HDAC4: variants seen among roughly 807,000 people sequenced by gnomAD.
HDAC4 encodes histone deacetylase 4.
HDAC4 carries 16 observed loss-of-function variants against 135.1 expected under a neutral mutation model. The observed-to-expected ratio is 0.12, with a 90% CI of 0.08 to 0.18. The LOEUF is 0.18. Ranked by LOEUF, HDAC4 falls within the 10% of genes least tolerant of loss-of-function variation. The pLI is 1.00. For missense variants in HDAC4, 1,143 were observed against 1,511.8 expected (o/e 0.76, Z 4.05); for synonymous variants, 685 against 653.4 (o/e 1.05, Z -0.74).
chr2:239,269,058 C>G (rs952751437), intron 2 of HDAC4, among the ~76,000 whole-genome samples: 15 of 152,182 alleles, frequency 9.9e-5, no homozygotes, highest in African/African-American at 2.9e-4. Flanking sequence ...GACCCTCTTA[C>G]TGTGCACACT....
At chr2:239,348,371 C>T (rs1412130637) in intron 2 of HDAC4, among the ~76,000 whole-genome samples, 3 of 152,208 alleles carry the variant, frequency 2.0e-5, no homozygotes, top group Admixed American at 6.5e-5. Context: ...ACGAACATTC[C>T]GGAAGGGAAA....
intron 5 of HDAC4, among the ~76,000 whole-genome samples, chr2:239,168,687 C>T (rs563259335): frequency 6.6e-6 from 1 of 152,308 alleles, no homozygotes; most frequent in East Asian, 1.9e-4. Context: ...AGACAAGAAC[C>T]TCCTTCATGG....
chr2:239,381,132 G>A (rs563795087), intron 1 of HDAC4, among the ~76,000 whole-genome samples: 6 of 152,300 alleles, frequency 3.9e-5, no homozygotes, highest in Middle Eastern at 3.4e-3. Context: ...AACCGTCTAG[G>A]AACCAAGAGT....
chr2:239,369,774 C>A (rs1694476800), intron 1 of HDAC4, among the ~76,000 whole-genome samples: 1 of 152,118 alleles, frequency 6.6e-6, no homozygotes, highest in Non-Finnish European at 1.5e-5. Context: ...TTCTCTCAAG[C>A]AGAACACACA....
At chr2:239,329,447 G>A (rs1421454333) in intron 2 of HDAC4, among the ~76,000 whole-genome samples, 1 of 152,128 alleles carries the variant, frequency 6.6e-6, no homozygotes, top group Non-Finnish European at 1.5e-5. Context: ...GGCTGGGAGG[G>A]CAGGGGCCAC....
chr2:239,124,690 T>C (rs1429473288), intron 12 of HDAC4, among the ~76,000 whole-genome samples: 7 of 135,252 alleles, frequency 5.2e-5, no homozygotes, highest in East Asian at 2.4e-4. Flanking sequence ...GGCCGCGTTA[T>C]ATGACATTCC....
chr2:239,126,587 C>G lies in HDAC4; in HGVS notation c.1402G>C (p.Gly468Arg), dbSNP rs749440385. The G allele has an allele frequency of 6.2e-7, 1 of 1,613,904 alleles. No individual in the cohort carries two copies. The highest frequency in any genetic ancestry group is 8.5e-7 in the Non-Finnish European group (1 of 1,180,002). Residue 468 changes from glycine to arginine, a missense_variant, in exon 12 of 27, where the codon GGG becomes CGG. Around this residue, in one of 9 missense-constraint regions of HDAC4, gnomAD observed 272 missense variants for 309.7 expected, o/e 0.88. Transcript: ENST00000543185. ...GGCAGCGGGGCCGACTGGGTCCGCC[C>G]CAGTGGGCGGTGCTGCCGCAGCTTG... ...IHKLRQHRPL[G>R]RTQSAPLPQN...
chr2:239,391,528 G>A (rs1696212302), intron 1 of HDAC4, among the ~76,000 whole-genome samples: 1 of 152,212 alleles, frequency 6.6e-6, no homozygotes, highest in Non-Finnish European at 1.5e-5. Context: ...TGTCCTCAGA[G>A]CCAGCGGGGG....
At chr2:239,243,564 C>T (rs1302399049) in intron 2 of HDAC4, among the ~76,000 whole-genome samples, 1 of 152,152 alleles carries the variant, frequency 6.6e-6, no homozygotes, top group Non-Finnish European at 1.5e-5. Context: ...GTGCACACCC[C>T]ACTGTGCTAA....
At chr2:239,088,588 C>T (rs146854850) in intron 18 of HDAC4, among the ~76,000 whole-genome samples, 4 of 152,130 alleles carry the variant, frequency 2.6e-5, no homozygotes, top group African/African-American at 7.2e-5. Context: ...GCTGAAGCAC[C>T]GGAGGGTAGA....
intron 6 of HDAC4, among the ~76,000 whole-genome samples, chr2:239,157,202 C>T (rs1248362217): frequency 6.6e-6 from 1 of 152,242 alleles, no homozygotes; most frequent in African/African-American, 2.4e-5. Context: ...TCATAGGCAG[C>T]TGAGACGGGG....
At chr2:239,080,910 A>G (rs1364724998) in intron 22 of HDAC4, 185 bp downstream of exon 22, 1 of 596,678 alleles carries the variant, frequency 1.7e-6, no homozygotes, top group Non-Finnish European at 3.0e-6. Flanking sequence ...TGATGGTAAG[A>G]AGATAGTCGC....
chr2:239,272,908 T>C (rs1318529314), intron 2 of HDAC4, among the ~76,000 whole-genome samples: 1 of 152,152 alleles, frequency 6.6e-6, no homozygotes, highest in African/African-American at 2.4e-5. Flanking sequence ...TGCAACGGCT[T>C]CTTCCCTCCC....
At chr2:239,311,660 AG>A (rs2052885946) in intron 2 of HDAC4, among the ~76,000 whole-genome samples, 1 of 152,186 alleles carries the variant, frequency 6.6e-6, no homozygotes, top group African/African-American at 2.4e-5. Flanking sequence ...AACCACACAC[AG>A]GGGACTCCGT....
At chr2:239,138,280 C>T (rs141831771) in intron 9 of HDAC4, among the ~76,000 whole-genome samples, 25 of 152,230 alleles carry the variant, frequency 1.6e-4, no homozygotes, top group African/African-American at 4.8e-4. Flanking sequence ...GATTAAGCAG[C>T]CTGGAGACAA....
intron 9 of HDAC4, among the ~76,000 whole-genome samples, chr2:239,135,104 G>T (rs1450894692): frequency 6.6e-6 from 1 of 152,176 alleles, no homozygotes; most frequent in African/African-American, 2.4e-5. Flanking sequence ...TAACTATAAG[G>T]GTATGATTGG....
chr2:239,393,659 T>C (rs1173968504), intron 1 of HDAC4, among the ~76,000 whole-genome samples: 2 of 123,456 alleles, frequency 1.6e-5, no homozygotes, highest in Non-Finnish European at 3.2e-5. Context: ...GCACCACGGC[T>C]CTCCCTACCA....
intron 10 of HDAC4, 41 bp downstream of exon 10, chr2:239,134,486 C>G: frequency 6.2e-7 from 1 of 1,613,248 alleles, no homozygotes; most frequent in Non-Finnish European, 8.5e-7. Flanking sequence ...GGACCCATCA[C>G]CACCACCCCA....
chr2:239,120,271 T>G (rs1174851025), intron 12 of HDAC4, among the ~76,000 whole-genome samples: 2 of 151,822 alleles, frequency 1.3e-5, no homozygotes, highest in African/African-American at 4.8e-5. Context: ...GCTGGGGAGC[T>G]GAAGAAACAG....
Sources: gnomAD v4.1 joint callset for allele counts (sites outside exome capture counted in the v4.1 genomes callset) on GRCh38, gnomAD v4.1.1 for gene constraint, gnomAD v4.1.1 regional missense constraint, MANE v1.5 for transcripts, NCBI Gene and HGNC (gene_info 2026-07-23, HGNC 2026-07-21) for gene names.